DAB1: variants seen among roughly 807,000 people sequenced by gnomAD.
DAB1 encodes the protein disabled homolog 1.
A neutral mutation model predicts 64.6 loss-of-function variants in DAB1; 15 were observed. The ratio of observed to expected loss-of-function variants is 0.23; its 90% CI spans 0.16 to 0.36. DAB1 has a LOEUF of 0.36. Ranked by LOEUF, DAB1 falls within the 10% of genes least tolerant of loss-of-function variation. DAB1 has a pLI of 1.00. For missense variants in DAB1, 596 were observed against 706.7 expected, an observed-to-expected ratio of 0.84 and a Z score of 1.78; for synonymous variants, 235 against 251.9, an observed-to-expected ratio of 0.93 and a Z score of 0.64.
chr1:58,281,307 G>A (rs1409326508), intron 4 of DAB1, among the ~76,000 whole-genome samples: 7 of 151,980 alleles, frequency 4.6e-5, no homozygotes, highest in African/African-American at 1.7e-4. Flanking sequence ...TGAATTGAGG[G>A]CTGACAATTC....
chr1:58,390,823 T>C (rs733987), intron 3 of DAB1, among the ~76,000 whole-genome samples: 29,986 of 151,980 alleles, frequency 0.2, 3,292 homozygotes, highest in East Asian at 0.32. Flanking sequence ...GTGAAGTAAG[T>C]CATTCAGGGT....
At chr1:57,366,407 T>C (rs1033253841) in intron 1 of DAB1, among the ~76,000 whole-genome samples, 1 of 152,146 alleles carries the variant, frequency 6.6e-6, no homozygotes, top group African/African-American at 2.4e-5. Context: ...ACATAACAAT[T>C]TGTAAGTTGA....
intron 3 of DAB1, among the ~76,000 whole-genome samples, chr1:58,503,458 A>C (rs1645940635): frequency 6.6e-6 from 1 of 152,156 alleles, no homozygotes; most frequent in Non-Finnish European, 1.5e-5. Flanking sequence ...CAAATTAAGA[A>C]TACAAATGAA....
intron 9 of DAB1, among the ~76,000 whole-genome samples, chr1:57,041,413 G>A (rs574630616): frequency 6.6e-6 from 1 of 152,352 alleles, no homozygotes; most frequent in East Asian, 1.9e-4. Flanking sequence ...CAGAGTGTGA[G>A]AAGTGCCACA....
chr1:58,272,899 G>A (rs1661344326), intron 4 of DAB1, among the ~76,000 whole-genome samples: 1 of 96,484 alleles, frequency 1.0e-5, no homozygotes, highest in South Asian at 5.2e-4. Flanking sequence ...GAGCCTATGT[G>A]TGTCTCTGCA....
intron 7 of DAB1, among the ~76,000 whole-genome samples, chr1:57,493,762 G>GCACACA (rs1414667024): frequency 6.0e-5 from 9 of 150,200 alleles, no homozygotes; most frequent in African/African-American, 2.2e-4. Context: ...CGTATTCACA[G>GCACACA]CTCACACACA....
chr1:57,819,509 T>C (rs1281733081), intron 6 of DAB1, among the ~76,000 whole-genome samples: 2 of 152,212 alleles, frequency 1.3e-5, no homozygotes, highest in Admixed American at 6.5e-5. Context: ...AAACTAATGA[T>C]AGTAGCTAGA....
chr1:57,791,271 T>G (rs1218051166), intron 6 of DAB1, among the ~76,000 whole-genome samples: 1 of 152,202 alleles, frequency 6.6e-6, no homozygotes, highest in Non-Finnish European at 1.5e-5. Context: ...ACTTGACATA[T>G]ATTACTTTGT....
At chr1:57,356,565 T>A (rs1459917919) in intron 1 of DAB1, among the ~76,000 whole-genome samples, 1 of 152,034 alleles carries the variant, frequency 6.6e-6, no homozygotes, top group African/African-American at 2.4e-5. Context: ...TGGAATCTGG[T>A]CCAACAATCT....
chr1:57,659,276 T>A, intron 6 of DAB1, among the ~76,000 whole-genome samples: 1 of 152,218 alleles, frequency 6.6e-6, no homozygotes, highest in East Asian at 1.9e-4. Flanking sequence ...TCCTACTAAT[T>A]AGTTTATTAT....
At chr1:58,424,929 G>C (rs1389152674) in intron 3 of DAB1, among the ~76,000 whole-genome samples, 1 of 138,864 alleles carries the variant, frequency 7.2e-6, no homozygotes, top group Non-Finnish European at 1.6e-5. Context: ...GGTGAACACA[G>C]TTTGGAAGGC....
chr1:58,497,475 T>C (rs1275734775), intron 3 of DAB1, among the ~76,000 whole-genome samples: 1 of 152,192 alleles, frequency 6.6e-6, no homozygotes, highest in African/African-American at 2.4e-5. Flanking sequence ...CTAAAGTTGA[T>C]GGAGTTCAGG....
rs575348438 is a variant in DAB1, at chr1:57,340,139, T to C, written c.-136-48973A>G. 1.1e-4 allele frequency among the ~76,000 whole-genome samples: 17 copies of C among 152,270 alleles called. No individual in the cohort carries two copies. The East Asian group carries it at 2.7e-3, about 24-fold the overall frequency. ...TTACAAAGAAGGCATTACGGCAGGCTTACCCTCATCTGATTCATTTGCAAG... is the reference window on the plus strand; with the variant it reads ...TTACAAAGAAGGCATTACGGCAGGCCTACCCTCATCTGATTCATTTGCAAG... On this transcript the variant is annotated intron_variant, in intron 1 of 14. Coordinates refer to ENST00000371236, the MANE Select transcript of DAB1 (RefSeq NM_001365792.1).
chr1:57,196,337 A>G (rs557917206), intron 2 of DAB1, among the ~76,000 whole-genome samples: 2 of 152,268 alleles, frequency 1.3e-5, no homozygotes, highest in Non-Finnish European at 2.9e-5. Context: ...ATAGTACAAT[A>G]CCTAGAGCTG....
At chr1:58,163,624 C>T (rs1417750136) in intron 4 of DAB1, among the ~76,000 whole-genome samples, 3 of 152,104 alleles carry the variant, frequency 2.0e-5, no homozygotes, top group Non-Finnish European at 4.4e-5. Flanking sequence ...TATGGAAGCT[C>T]GAAGAGGGCA....
chr1:58,118,526 ATATATAT>A (rs1238464976), intron 5 of DAB1, among the ~76,000 whole-genome samples: 2 of 129,414 alleles, frequency 1.5e-5, no homozygotes, highest in African/African-American at 6.0e-5. Flanking sequence ...ACACACATAT[ATATATAT>A]AAAATACATA....
intron 7 of DAB1, among the ~76,000 whole-genome samples, chr1:57,480,889 G>A (rs1270119476): frequency 2.0e-5 from 3 of 151,934 alleles, no homozygotes; most frequent in South Asian, 2.1e-4. Flanking sequence ...ACTAAAGCCC[G>A]CCCTCTTCCC....
At chr1:57,947,322 C>T (rs1645198857) in intron 5 of DAB1, among the ~76,000 whole-genome samples, 1 of 152,140 alleles carries the variant, frequency 6.6e-6, no homozygotes, top group African/African-American at 2.4e-5. Context: ...TAAATTGCCA[C>T]AGAACCAAGA....
At chr1:57,008,701 T>C (rs1211108016) in intron 14 of DAB1, among the ~76,000 whole-genome samples, 1 of 152,210 alleles carries the variant, frequency 6.6e-6, no homozygotes, top group East Asian at 1.9e-4. Flanking sequence ...TAGATATTTT[T>C]TTTAAGCTGA....
Sources: gnomAD v4.1 joint callset for allele counts (sites outside exome capture counted in the v4.1 genomes callset) on GRCh38, gnomAD v4.1.1 for gene constraint, MANE v1.5 for transcripts, NCBI Gene and HGNC (gene_info 2026-07-23, HGNC 2026-07-21) for gene names.